The following VWC2L variants were observed in gnomAD, a reference collection of about 807,000 sequenced individuals.
The protein encoded by VWC2L is von Willebrand factor C domain-containing protein 2-like.
VWC2L carries 10 observed loss-of-function variants against 21.6 expected under a neutral mutation model. That is an observed-to-expected ratio of 0.46 (90% CI 0.29 to 0.78). The LOEUF (loss-of-function observed/expected upper bound fraction) is 0.78, where lower values mean the gene tolerates loss of function less well. VWC2L is among the 30% of genes least tolerant of loss of function. The probability of loss-of-function intolerance (pLI) is 0.10; values close to 1 mark genes in which losing one functional copy is unlikely to be tolerated. For synonymous variants in VWC2L, 96 were observed against 94.3 expected, an observed-to-expected ratio of 1.02 and a Z score of -0.10; for missense variants, 209 against 277.1, an observed-to-expected ratio of 0.75 and a Z score of 1.74.
At chr2:214,550,099 C>T (rs1344925708) in intron 3 of VWC2L, among the ~76,000 whole-genome samples, 2 of 152,104 alleles carry the variant, frequency 1.3e-5, no homozygotes, top group Non-Finnish European at 2.9e-5. Context: ...GCTTGAAACC[C>T]GCATGTGAAA....
Position 214,577,090 on chromosome 2 carries a change from G to A in VWC2L, c.*1270G>A, listed in dbSNP as rs978753523. On this transcript the variant is annotated 3_prime_UTR_variant, in exon 4 of 4. Coordinates refer to ENST00000312504, the MANE Select transcript of VWC2L (RefSeq NM_001080500.4). ...CACACAGGGTATCTGATGCCACCTC[G>A]ATTCAAGTGCAAAATTAACAATTCT... 1.3e-5 allele frequency: 2 copies of A among 152,118 alleles called. No individual in the cohort carries two copies. The highest frequency in any genetic ancestry group is 6.6e-5 in the Admixed American group (1 of 15,254). 9.4% of individuals were successfully genotyped at this position (152,118 alleles called of 1,614,324 possible).
chr2:214,480,864 C>CAAAAAA (rs59720596), intron 3 of VWC2L, among the ~76,000 whole-genome samples: 30 of 71,682 alleles, frequency 4.2e-4, no homozygotes, highest in African/African-American at 9.2e-4. Flanking sequence ...TATGCCAAGC[C>CAAAAAA]AAAAAAAAAA....
At chr2:214,465,872 C>T (rs6714848) in intron 3 of VWC2L, among the ~76,000 whole-genome samples, 5,133 of 152,250 alleles carry the variant, frequency 0.034, 288 homozygotes, top group African/African-American at 0.12. Flanking sequence ...AATTCCTCAT[C>T]TGAATTCTTC....
chr2:214,474,727 C>T (rs1291355976), intron 3 of VWC2L, among the ~76,000 whole-genome samples: 8 of 152,002 alleles, frequency 5.3e-5, no homozygotes, highest in East Asian at 3.9e-4. Flanking sequence ...AGACTCTCCA[C>T]GTGAATTGGG....
At chr2:214,554,794 T>C (rs1055110516) in intron 3 of VWC2L, among the ~76,000 whole-genome samples, 1 of 152,178 alleles carries the variant, frequency 6.6e-6, no homozygotes, top group African/African-American at 2.4e-5. Context: ...ATTCCAACCT[T>C]ACTCTAGAAT....
intron 3 of VWC2L, among the ~76,000 whole-genome samples, chr2:214,498,092 T>C (rs922819703): frequency 1.3e-5 from 2 of 151,880 alleles, no homozygotes; most frequent in African/African-American, 4.8e-5. Flanking sequence ...GGCATGAAAA[T>C]CCAACCAGTC....
intron 3 of VWC2L, among the ~76,000 whole-genome samples, chr2:214,572,245 AAGG>A (rs552868331): frequency 1.4e-4 from 21 of 152,196 alleles, no homozygotes; most frequent in Admixed American, 2.6e-4. Context: ...TAGACCCCAG[AAGG>A]AGGAGAGAAC....
At chr2:214,434,545 G>A (rs945663291) in intron 2 of VWC2L, among the ~76,000 whole-genome samples, 2 of 152,282 alleles carry the variant, frequency 1.3e-5, no homozygotes, top group Non-Finnish European at 2.9e-5. Flanking sequence ...TTAGGCTACT[G>A]GATTCAAATC....
At chr2:214,540,260 T>C (rs980552655) in intron 3 of VWC2L, among the ~76,000 whole-genome samples, 22 of 152,306 alleles carry the variant, frequency 1.4e-4, no homozygotes, top group African/African-American at 5.1e-4. Flanking sequence ...GAGTATTTTA[T>C]GGAATCTTCA....
intron 3 of VWC2L, among the ~76,000 whole-genome samples, chr2:214,482,441 G>A (rs1688615648): frequency 6.6e-6 from 1 of 150,780 alleles, no homozygotes; most frequent in African/African-American, 2.4e-5. Context: ...TCTCCAAACT[G>A]GTAAAATATA....
chr2:214,418,977 A>G (rs1702395958), intron 2 of VWC2L, among the ~76,000 whole-genome samples: 1 of 152,236 alleles, frequency 6.6e-6, no homozygotes, highest in South Asian at 2.1e-4. Flanking sequence ...GTACTGTCTC[A>G]CCCTATGCAG....
intron 3 of VWC2L, among the ~76,000 whole-genome samples, chr2:214,441,933 A>G (rs185754129): frequency 1.2e-3 from 181 of 146,552 alleles, no homozygotes; most frequent in African/African-American, 4.2e-3. Flanking sequence ...TTTTTTTGAG[A>G]TGAAGTCTAG....
intron 3 of VWC2L, among the ~76,000 whole-genome samples, chr2:214,437,270 C>T (rs1702691605): frequency 1.3e-5 from 2 of 152,022 alleles, no homozygotes; most frequent in African/African-American, 2.4e-5. Flanking sequence ...AGTTTAGGGC[C>T]TTTATTGTAG....
chr2:214,429,055 T>C lies in VWC2L; in HGVS notation c.391-7574T>C, dbSNP rs116420946. 5.4e-3 allele frequency among the ~76,000 whole-genome samples: 828 copies of C among 152,316 alleles called. 7 individuals are homozygous for C. Among genetic ancestry groups the C allele is most frequent in the African/African-American group, 0.019 (797 of 41,572 alleles). The stretch of plus-strand genomic sequence containing the variant: ...GTCATATTCATCTCCTATGATTCTT[T>C]CAGGCTGTAGAATTCTCCTAGTGAT... On this transcript the variant is annotated intron_variant, in intron 2 of 3. Coordinates refer to ENST00000312504, the MANE Select transcript of VWC2L (RefSeq NM_001080500.4).
intron 3 of VWC2L, among the ~76,000 whole-genome samples, chr2:214,524,841 T>A (rs573087292): frequency 6.6e-6 from 1 of 152,222 alleles, no homozygotes; most frequent in Non-Finnish European, 1.5e-5. Context: ...TAGACCGTTA[T>A]AGAATCTTGA....
At chr2:214,533,941 C>T (rs1689483046) in intron 3 of VWC2L, 1 of 152,452 alleles carries the variant, frequency 6.6e-6, no homozygotes, top group African/African-American at 2.4e-5. Context: ...TGAGTCATTG[C>T]CAATAAAATG....
intron 3 of VWC2L, among the ~76,000 whole-genome samples, chr2:214,551,468 C>A (rs1689793467): frequency 6.6e-6 from 1 of 152,144 alleles, no homozygotes; most frequent in South Asian, 2.1e-4. Flanking sequence ...ATGCTTTAGA[C>A]AAATTATTTG....
intron 3 of VWC2L, among the ~76,000 whole-genome samples, chr2:214,484,492 T>C (rs896783296): frequency 2.6e-5 from 4 of 152,106 alleles, no homozygotes; most frequent in Non-Finnish European, 5.9e-5. Context: ...GTTTCAGCTC[T>C]CCCAATTTCC....
intron 2 of VWC2L, among the ~76,000 whole-genome samples, chr2:214,432,776 C>G (rs908253470): frequency 6.6e-6 from 1 of 152,138 alleles, no homozygotes; most frequent in Non-Finnish European, 1.5e-5. Flanking sequence ...AGTCCTAGCA[C>G]TTTGGGAGGC....
Sources: allele counts gnomAD v4.1 joint callset (sites outside exome capture counted in the v4.1 genomes callset), GRCh38; gene constraint gnomAD v4.1.1; transcripts MANE v1.5; gene names NCBI Gene and HGNC (gene_info 2026-07-23, HGNC 2026-07-21).